DGKB: variants seen among roughly 807,000 people sequenced by gnomAD.
The protein encoded by DGKB is diacylglycerol kinase beta.
In DGKB, 67 loss-of-function variants were observed where a neutral mutation model predicts 114.3. That is an observed-to-expected ratio of 0.59 (90% CI 0.48 to 0.72). DGKB has a LOEUF of 0.72. Among genes scored for constraint, DGKB ranks in the 30% least tolerant of loss-of-function variants. The pLI is 0.00. For synonymous variants in DGKB, 398 were observed against 323.1 expected (o/e 1.23, Z -2.49); for missense variants, 907 against 975.2 (o/e 0.93, Z 0.93).
rs11386744 is a variant in DGKB at position 14,476,755 on chromosome 7, ATT to A, written c.1835+1404_1835+1405del. 4.0e-3 allele frequency among the ~76,000 whole-genome samples: 547 copies of A among 135,326 alleles called. 12 individuals carry two copies. In the South Asian group the frequency reaches 0.057, roughly 14 times the overall value. The allele number at this position is 135,326 out of a possible 152,430, so 88.8% of individuals were successfully genotyped here. ...GATTATGTTTTTAGTTACTAAAAACATTTTTTTTTTTTTTTTTGAGACGGAAT... is the reference window on the plus strand; with the variant it reads ...GATTATGTTTTTAGTTACTAAAAACATTTTTTTTTTTTTTTGAGACGGAAT... On this transcript the variant is annotated intron_variant, in intron 21 of 25. Transcript: ENST00000402815.
chr7:14,565,732 A>C (rs1487192200), intron 20 of DGKB, among the ~76,000 whole-genome samples: 2 of 152,040 alleles, frequency 1.3e-5, no homozygotes, highest in South Asian at 2.1e-4. Context: ...AGTTTTTTTC[A>C]GTATCCATGG....
chr7:14,711,779 T>G lies in DGKB; in HGVS notation c.466+6763A>C, dbSNP rs540254991. 1.2e-4 allele frequency among the ~76,000 whole-genome samples: 19 copies of G among 152,274 alleles called. No homozygotes were observed. The East Asian group carries it at 3.7e-3, about 29-fold the overall frequency. On this transcript the variant is annotated intron_variant, in intron 6 of 25. Coordinates refer to ENST00000402815, the MANE Select transcript of DGKB (RefSeq NM_001350709.2). Reference sequence around the variant, plus strand: ...CTCTTCCCCAACAGAAGACTAGATCTTTGAGTTCTGCAAAAGTGAAATGAA... The same window carrying G: ...CTCTTCCCCAACAGAAGACTAGATCGTTGAGTTCTGCAAAAGTGAAATGAA...
chr7:14,959,952 T>C (rs1373493525), intron 1 of DGKB, among the ~76,000 whole-genome samples: 1 of 152,074 alleles, frequency 6.6e-6, no homozygotes, highest in African/African-American at 2.4e-5. Context: ...TATTCAATCA[T>C]GAGGGAAAAC....
chr7:14,838,378 T>C (rs925183894), intron 2 of DGKB, among the ~76,000 whole-genome samples: 4 of 152,174 alleles, frequency 2.6e-5, no homozygotes, highest in Non-Finnish European at 5.9e-5. Context: ...ATACAGGAAC[T>C]TTTCTTATAA....
At chr7:14,598,131 C>T (rs1018736446) in intron 17 of DGKB, among the ~76,000 whole-genome samples, 6 of 152,100 alleles carry the variant, frequency 3.9e-5, no homozygotes, top group Non-Finnish European at 8.8e-5. Flanking sequence ...CACCTTCATC[C>T]AAATGAACTT....
intron 16 of DGKB, among the ~76,000 whole-genome samples, chr7:14,612,629 T>C (rs1314242300): frequency 1.3e-5 from 2 of 152,236 alleles, no homozygotes; most frequent in South Asian, 2.1e-4. Flanking sequence ...ATGTTTGTTA[T>C]GAGTGCTTTC....
At chr7:14,566,020 G>T (rs1797333471) in intron 20 of DGKB, among the ~76,000 whole-genome samples, 1 of 152,056 alleles carries the variant, frequency 6.6e-6, no homozygotes, top group Non-Finnish European at 1.5e-5. Flanking sequence ...ATGACCAAGA[G>T]TCGCTTGTGT....
At chr7:14,910,080 T>C (rs1489561140) in intron 1 of DGKB, among the ~76,000 whole-genome samples, 4 of 151,848 alleles carry the variant, frequency 2.6e-5, no homozygotes, top group Non-Finnish European at 5.9e-5. Flanking sequence ...TGGTGGTTCA[T>C]GCCTGTAGTC....
intron 23 of DGKB, among the ~76,000 whole-genome samples, chr7:14,272,389 T>C (rs913780055): frequency 6.6e-6 from 1 of 152,192 alleles, no homozygotes; most frequent in African/African-American, 2.4e-5. Context: ...AAATTATAGG[T>C]TTGAAGAAAA....
At chr7:14,711,152 A>G (rs1030920276) in intron 6 of DGKB, among the ~76,000 whole-genome samples, 1 of 152,136 alleles carries the variant, frequency 6.6e-6, no homozygotes, top group Non-Finnish European at 1.5e-5. Context: ...TAGTGACTGA[A>G]GAAACTAATA....
intron 22 of DGKB, among the ~76,000 whole-genome samples, chr7:14,339,967 G>A (rs1161909766): frequency 1.3e-5 from 2 of 151,524 alleles, no homozygotes; most frequent in African/African-American, 4.8e-5. Context: ...ACAAAAAAAA[G>A]CCCTCTCTTT....
chr7:14,380,117 T>A (rs1032378980), intron 21 of DGKB, among the ~76,000 whole-genome samples: 4 of 152,164 alleles, frequency 2.6e-5, no homozygotes, highest in African/African-American at 9.7e-5. Context: ...CGTACTTCGC[T>A]ATATCCAAAA....
At chr7:14,861,822 A>G (rs990704209) in intron 1 of DGKB, among the ~76,000 whole-genome samples, 1 of 151,960 alleles carries the variant, frequency 6.6e-6, no homozygotes, top group Non-Finnish European at 1.5e-5. Flanking sequence ...CTGCTGTGAC[A>G]ATTCCATTGT....
chr7:14,394,911 A>G (rs910871523), intron 21 of DGKB, among the ~76,000 whole-genome samples: 2 of 152,122 alleles, frequency 1.3e-5, no homozygotes, highest in African/African-American at 4.8e-5. Flanking sequence ...AAGTCAATCC[A>G]TCAGTGTTTT....
chr7:14,212,391 A>C (rs530432469), intron 23 of DGKB, among the ~76,000 whole-genome samples: 1 of 56,808 alleles, frequency 1.8e-5, no homozygotes, highest in Non-Finnish European at 3.8e-5. Flanking sequence ...TGTGATATTT[A>C]CTCTCATGTT....
chr7:14,682,533 G>C lies in DGKB; in HGVS notation c.1035+20C>G, dbSNP rs73272124. The C allele has an allele frequency of 1.7e-3, 2,568 of 1,552,214 alleles. 28 individuals carry two copies. The African/African-American group carries it at 0.029, about 17-fold the overall frequency. ...TCAGTGTGGGTGAATGCTGGGATTT[G>C]TTTTCCAATTTTTACTCACTGTGAT... On this transcript the variant is annotated intron_variant, in intron 12 of 25. Coordinates refer to ENST00000402815, the MANE Select transcript of DGKB (RefSeq NM_001350709.2).
intron 13 of DGKB, among the ~76,000 whole-genome samples, chr7:14,632,710 T>G (rs1239433063): frequency 1.3e-5 from 2 of 151,808 alleles, no homozygotes; most frequent in Non-Finnish European, 2.9e-5. Flanking sequence ...GAGCACTATT[T>G]TCATGGAAAC....
chr7:14,944,747 T>G (rs932689761), intron 1 of DGKB, among the ~76,000 whole-genome samples: 2 of 151,554 alleles, frequency 1.3e-5, no homozygotes, highest in Admixed American at 1.3e-4. Context: ...TAGCCTACAA[T>G]GTACAGGACA....
chr7:14,510,505 T>C (rs1391354764), intron 20 of DGKB, among the ~76,000 whole-genome samples: 2 of 152,154 alleles, frequency 1.3e-5, no homozygotes. Flanking sequence ...CATTTCTTAT[T>C]CTTGCTATTT....
Sources: gnomAD v4.1 joint callset for allele counts (sites outside exome capture counted in the v4.1 genomes callset) on GRCh38, gnomAD v4.1.1 for gene constraint, MANE v1.5 for transcripts, NCBI Gene and HGNC (gene_info 2026-07-23, HGNC 2026-07-21) for gene names.